PRKG1: variants seen among roughly 807,000 people sequenced by gnomAD.
PRKG1 encodes cGMP-dependent protein kinase 1.
A neutral mutation model predicts 88.1 loss-of-function variants in PRKG1; 35 were observed. The observed-to-expected ratio is 0.40, with a 90% CI of 0.30 to 0.53. The LOEUF is 0.53. Among genes scored for constraint, PRKG1 ranks in the 20% least tolerant of loss-of-function variants. The pLI is 0.59. For missense variants in PRKG1, 540 were observed against 839.8 expected, an observed-to-expected ratio of 0.64 and a Z score of 4.41; for synonymous variants, 303 against 292.5, an observed-to-expected ratio of 1.04 and a Z score of -0.37.
intron 2 of PRKG1, among the ~76,000 whole-genome samples, chr10:51,304,325 A>G (rs1268885815): frequency 1.3e-5 from 2 of 152,182 alleles, no homozygotes; most frequent in African/African-American, 4.8e-5. Context: ...ATTTGAAAAC[A>G]TTACATAGAA....
At chr10:51,210,582 G>A (rs1482950146) in intron 2 of PRKG1, among the ~76,000 whole-genome samples, 2 of 152,128 alleles carry the variant, frequency 1.3e-5, no homozygotes, top group Admixed American at 1.3e-4. Flanking sequence ...GACTAATATA[G>A]AAGAAAAGAC....
intron 4 of PRKG1, among the ~76,000 whole-genome samples, chr10:51,902,096 A>T (rs1433851946): frequency 6.6e-6 from 1 of 151,992 alleles, no homozygotes; most frequent in Non-Finnish European, 1.5e-5. Flanking sequence ...AAAATATAAT[A>T]TAAACTTTTA....
At chr10:51,542,339 G>A (rs572901765) in intron 3 of PRKG1, among the ~76,000 whole-genome samples, 13 of 152,160 alleles carry the variant, frequency 8.5e-5, no homozygotes, top group South Asian at 6.2e-4. Context: ...AGTACTTTAC[G>A]TGCATCCACC....
At chr10:51,146,146 A>G (rs892796942) in intron 1 of PRKG1, among the ~76,000 whole-genome samples, 3 of 151,772 alleles carry the variant, frequency 2.0e-5, no homozygotes, top group African/African-American at 7.3e-5. Context: ...TCCAGATCAC[A>G]CCACTGCACT....
At chr10:51,344,382 T>C (rs1358895400) in intron 2 of PRKG1, among the ~76,000 whole-genome samples, 5 of 152,226 alleles carry the variant, frequency 3.3e-5, no homozygotes, top group South Asian at 4.1e-4. Context: ...GATCCAAACA[T>C]TTCCCACAAG....
intron 2 of PRKG1, among the ~76,000 whole-genome samples, chr10:51,413,990 G>A (rs1838172311): frequency 6.6e-6 from 1 of 152,158 alleles, no homozygotes; most frequent in East Asian, 1.9e-4. Context: ...ACTTGTTTGT[G>A]AATATTCACT....
At chr10:51,826,002 A>G (rs10999655) in intron 4 of PRKG1, among the ~76,000 whole-genome samples, 3,271 of 152,296 alleles carry the variant, frequency 0.021, 87 homozygotes, top group East Asian at 0.11. Flanking sequence ...CTTGATGCCC[A>G]TTCATGGGTA....
At chr10:51,361,138 T>TA (rs1842471514) in intron 2 of PRKG1, among the ~76,000 whole-genome samples, 1 of 151,942 alleles carries the variant, frequency 6.6e-6, no homozygotes, top group African/African-American at 2.4e-5. Flanking sequence ...GTATAGACAA[T>TA]TTTTTGGTAT....
chr10:51,785,341 T>C (rs1838700939), intron 3 of PRKG1, among the ~76,000 whole-genome samples: 1 of 151,994 alleles, frequency 6.6e-6, no homozygotes, highest in South Asian at 2.1e-4. Context: ...ACCCTGACCA[T>C]GGACGTTTTT....
intron 2 of PRKG1, among the ~76,000 whole-genome samples, chr10:51,264,008 A>G (rs748797234): frequency 6.6e-5 from 10 of 152,228 alleles, no homozygotes; most frequent in Non-Finnish European, 1.2e-4. Context: ...TTTGAAAACT[A>G]GGTTTTAAAT....
chr10:51,540,941 A>T (rs894076453), intron 3 of PRKG1, among the ~76,000 whole-genome samples: 2 of 151,912 alleles, frequency 1.3e-5, no homozygotes, highest in Non-Finnish European at 2.9e-5. Flanking sequence ...CTGGTCTCGA[A>T]CTCCTGACCT....
intron 3 of PRKG1, among the ~76,000 whole-genome samples, chr10:51,618,847 C>A (rs1839133521): frequency 6.6e-6 from 1 of 151,812 alleles, no homozygotes; most frequent in Non-Finnish European, 1.5e-5. Flanking sequence ...TGACTTACTG[C>A]AACTTCCGCC....
intron 3 of PRKG1, chr10:51,699,689 CCTGT>C: frequency 2.3e-6 from 2 of 868,368 alleles, no homozygotes; most frequent in Non-Finnish European, 3.5e-6. Flanking sequence ...GTTCCGCTTG[CCTGT>C]GGAACCTGCA....
At chr10:51,420,675 G>C (rs988719287) in intron 2 of PRKG1, among the ~76,000 whole-genome samples, 1 of 152,162 alleles carries the variant, frequency 6.6e-6, no homozygotes, top group African/African-American at 2.4e-5. Flanking sequence ...CATAAAATCT[G>C]TACCTTCAGG....
At chr10:52,149,415 A>C (rs1837838452) in intron 8 of PRKG1, among the ~76,000 whole-genome samples, 1 of 152,012 alleles carries the variant, frequency 6.6e-6, no homozygotes, top group Non-Finnish European at 1.5e-5. Context: ...GTCCACCCCA[A>C]ATCCATATGT....
At chr10:51,599,743 C>A (rs1045693075) in intron 3 of PRKG1, among the ~76,000 whole-genome samples, 3 of 152,144 alleles carry the variant, frequency 2.0e-5, no homozygotes, top group African/African-American at 7.2e-5. Context: ...TATTTTAATG[C>A]AAACTTGTTT....
At chr10:51,244,176 C>T (rs1164188106) in intron 2 of PRKG1, among the ~76,000 whole-genome samples, 1 of 152,098 alleles carries the variant, frequency 6.6e-6, no homozygotes, top group Non-Finnish European at 1.5e-5. Flanking sequence ...AGATACTTTA[C>T]ATAAAATGTA....
intron 3 of PRKG1, among the ~76,000 whole-genome samples, chr10:51,544,269 T>C (rs1057429155): frequency 2.8e-5 from 4 of 140,660 alleles, no homozygotes; most frequent in African/African-American, 7.8e-5. Flanking sequence ...AGTGTTTGCA[T>C]TGATCAATTC....
intron 5 of PRKG1, among the ~76,000 whole-genome samples, chr10:52,052,677 AG>A (rs1314496801): frequency 1.3e-5 from 2 of 152,250 alleles, no homozygotes; most frequent in Non-Finnish European, 2.9e-5. Flanking sequence ...CAAGCCAAAG[AG>A]GAAACCCCTT....
Sources: allele counts gnomAD v4.1 joint callset (sites outside exome capture counted in the v4.1 genomes callset), GRCh38; gene constraint gnomAD v4.1.1; transcripts MANE v1.5; gene names NCBI Gene and HGNC (gene_info 2026-07-23, HGNC 2026-07-21).